Variants in ZNF287 observed in about 807,000 individuals in gnomAD.
ZNF287 encodes zinc finger protein 287, also known as zinc finger protein with KRAB and SCAN domains 13.
Under a neutral mutation model 73.7 loss-of-function variants are expected in ZNF287, and 31 were observed. That is an observed-to-expected ratio of 0.42 (90% CI 0.32 to 0.57). The LOEUF (loss-of-function observed/expected upper bound fraction) is 0.57. Ranked by LOEUF, ZNF287 falls within the 20% of genes least tolerant of loss-of-function variation. The pLI is 0.13. For synonymous variants in ZNF287, 301 were observed against 307.2 expected (o/e 0.98, Z 0.21); for missense variants, 641 against 909.3 (o/e 0.70, Z 3.79).
Position 16,560,572 on chromosome 17 carries a change from A to T in ZNF287, c.715+2574T>A, listed in dbSNP as rs1292835446. On this transcript the variant is annotated intron_variant, in intron 5 of 5. Transcript: ENST00000395825. Reference sequence around the variant, plus strand: ...ACTGTGTTGGCCAGGCTGGTCTTGAACTCCTGACTTCGTGATCCGCCCACC... The same window carrying T: ...ACTGTGTTGGCCAGGCTGGTCTTGATCTCCTGACTTCGTGATCCGCCCACC... Among the ~76,000 whole-genome samples, 4 of 147,154 alleles carry T rather than the reference A, an allele frequency of 2.7e-5. No homozygotes were observed. In the South Asian group the frequency reaches 6.5e-4, roughly 24 times the overall value.
At chr17:16,560,006 G>A (rs1431823228) in intron 5 of ZNF287, among the ~76,000 whole-genome samples, 1 of 151,924 alleles carries the variant, frequency 6.6e-6, no homozygotes, top group Non-Finnish European at 1.5e-5. Context: ...AGGCTGGAGT[G>A]CAGTGGCACA....
intron 5 of ZNF287, among the ~76,000 whole-genome samples, chr17:16,556,192 A>ACACACACACACACACAC: frequency 6.6e-6 from 1 of 151,990 alleles, no homozygotes; most frequent in African/African-American, 2.4e-5. Context: ...ACACACACAC[A>ACACACACACACACACAC]AAATCTAAGG....
chr17:16,551,922 G>A lies in ZNF287; in HGVS notation c.2220C>T (p.Thr740=). 1 of 1,613,970 alleles carries A rather than the reference G, an allele frequency of 6.2e-7. No homozygotes were observed. The highest frequency in any genetic ancestry group is 8.5e-7 in the Non-Finnish European group (1 of 1,179,912). Residue 740 remains threonine (T), a synonymous_variant, in exon 6 of 6, where the codon ACC becomes ACT. Transcript: ENST00000395825. ...KPYACRICGK[T]FTQSTNLIQH... is the part of the protein sequence containing the mutation. ...GAATAAGGTTTGTACTCTGGGTGAA[G>A]GTTTTACCACATATACGACATGCAT...
rs532541888 is a variant in ZNF287, at chr17:16,552,942, T to G, written c.1200A>C (p.Glu400Asp). The G allele has an allele frequency of 5.6e-6, 9 of 1,614,186 alleles. No individual in the cohort carries two copies. The African/African-American group carries it at 1.2e-4, about 22-fold the overall frequency. Residue 400 changes from glutamate to aspartate, a missense_variant, in exon 6 of 6, where the codon GAA becomes GAC. Physicochemically the swap from Glu to Asp is conservative, Grantham distance 45. Around this residue, in one of 2 missense-constraint regions of ZNF287, gnomAD observed 284 missense variants for 466.8 expected, o/e 0.61. Transcript: ENST00000395825. This position sits in a 1 kb window ranked among gnomAD's most constrained non-coding sequence, Gnocchi z 6.5. ...AGATATGCCTAAACTCTTTCCCACATTCTTCACATTCATACGATTTCTCTT... is the reference window on the plus strand; with the variant it reads ...AGATATGCCTAAACTCTTTCCCACAGTCTTCACATTCATACGATTTCTCTT... Reference protein sequence around the residue: ...HAKEKSYECEECGKEFRHISS... With the variant: ...HAKEKSYECEDCGKEFRHISS...
In ZNF287 at chr17:16,552,863, G is replaced by C. The variant is rs760961698; in HGVS notation, c.1279C>G (p.His427Asp). The change falls in exon 6 of 6, where the codon CAC becomes GAC. Residue 427 changes from histidine to aspartate, a missense_variant. Coordinates refer to ENST00000395825, the MANE Select transcript of ZNF287 (RefSeq NM_020653.4). This position sits in a 1 kb window ranked among gnomAD's most constrained non-coding sequence, Gnocchi z 6.5. ...MHTGEKPYEC[H>D]QCGKAFSQRA... ...TGGCTGAAGGCTTTACCACACTGGT[G>C]GCATTCATATGGTTTTTCTCCAGTG... is the stretch of plus-strand genomic sequence containing the variant. 2 of 1,614,030 alleles carry C rather than the reference G, an allele frequency of 1.2e-6. No homozygotes were observed. The highest frequency in any genetic ancestry group is 4.5e-5 in the East Asian group (2 of 44,898).
In ZNF287 at chr17:16,553,060, ATT is replaced by A; in HGVS notation, c.1080_1081del (p.Lys360AsnfsTer11). ...CTTGTAAGGCTTCTCTCCAGGAAGT[ATT>A]TTCCTATGTACAATACCATATGAGA... On this transcript the variant is annotated frameshift_variant, in exon 6 of 6. Transcript: ENST00000395825. LOFTEE classifies it high-confidence loss of function. 1 of 1,614,134 alleles carries A rather than the reference ATT, an allele frequency of 6.2e-7. No homozygotes were observed. Among genetic ancestry groups the A allele is most frequent in the Non-Finnish European group, 8.5e-7 (1 of 1,180,008 alleles).
intron 3 of ZNF287, 127 bp from the exon 4 acceptor site, chr17:16,563,952 G>T: frequency 1.8e-6 from 2 of 1,134,494 alleles, no homozygotes; most frequent in Non-Finnish European, 2.4e-6. Context: ...CCTAGAAGTT[G>T]TCTAGTCAAA....
In ZNF287 at chr17:16,551,409, G is replaced by C. The variant is rs896580570; in HGVS notation, c.*447C>G. The C allele has an allele frequency of 1.8e-5, 3 of 162,868 alleles. No individual in the cohort carries two copies. The highest frequency in any genetic ancestry group is 7.2e-5 in the African/African-American group (3 of 41,458). The allele number at this position is 162,868 out of a possible 1,614,324, so 10.1% of individuals were successfully genotyped here. ...GAATTTTTTTTTTCAACTGAACAGA[G>C]TTTGAAAGCACATTATTCAGGGATG... On this transcript the variant is annotated 3_prime_UTR_variant, in exon 6 of 6. Coordinates refer to ENST00000395825, the MANE Select transcript of ZNF287 (RefSeq NM_020653.4).
At position 16,547,019 on chromosome 17, in the gene ZNF287, T is replaced by C. The variant is rs545299556; in HGVS notation, c.*4837A>G. Reference sequence around the variant, plus strand: ...CTAAGGGGCTAATAATTATGAAAGATAGAGCCATGGGGAGAACAGAAACAG... The same window carrying C: ...CTAAGGGGCTAATAATTATGAAAGACAGAGCCATGGGGAGAACAGAAACAG... On this transcript the variant is annotated 3_prime_UTR_variant, in exon 6 of 6. Transcript: ENST00000395825. 1.8e-3 allele frequency among the ~76,000 whole-genome samples: 280 copies of C among 152,288 alleles called. No individual in the cohort carries two copies. The highest frequency in any genetic ancestry group is 3.4e-3 in the Middle Eastern group (1 of 294).
chr17:16,560,740 A>C (rs1907393544), intron 5 of ZNF287, among the ~76,000 whole-genome samples: 1 of 151,596 alleles, frequency 6.6e-6, no homozygotes, highest in Non-Finnish European at 1.5e-5. Context: ...GTGGTGGCTC[A>C]CACCTGTAAT....
chr17:16,567,281 T>A, intron 2 of ZNF287, 48 bp downstream of exon 2: 1 of 1,564,590 alleles, frequency 6.4e-7, no homozygotes, highest in Non-Finnish European at 8.7e-7. Context: ...CTAGTTGTCT[T>A]CTTTAACCAC....
chr17:16,561,070 C>T (rs1481689382), intron 5 of ZNF287, among the ~76,000 whole-genome samples: 1 of 151,866 alleles, frequency 6.6e-6, no homozygotes, highest in Non-Finnish European at 1.5e-5. Context: ...AATCTCAGCA[C>T]TTTGGGAGGC....
chr17:16,552,570 A>G lies in ZNF287; in HGVS notation c.1572T>C (p.Leu524=). The change falls in exon 6 of 6, where the codon CTT becomes CTC. Residue 524 remains leucine, a synonymous_variant. Coordinates refer to ENST00000395825, the MANE Select transcript of ZNF287 (RefSeq NM_020653.4). This position sits in a 1 kb window ranked among gnomAD's most constrained non-coding sequence, Gnocchi z 6.5. ...GKTFSQSTHL[L]QHQKIHTGKK... is the part of the protein sequence containing the mutation. The stretch of plus-strand genomic sequence containing the variant: ...TCCCAGTATGTATTTTTTGATGCTG[A>G]AGAAGGTGTGTACTCTGACTGAAAG... The G allele has an allele frequency of 6.2e-7, 1 of 1,614,064 alleles. No individual in the cohort carries two copies.
intron 4 of ZNF287, 62 bp from the exon 5 acceptor site, chr17:16,563,294 AC>A: frequency 1.6e-6 from 2 of 1,233,410 alleles, no homozygotes; most frequent in Non-Finnish European, 2.3e-6. Context: ...AAGTTTTATT[AC>A]CAGACTTCTA....
Position 16,553,229 on chromosome 17 carries a change from C to A in ZNF287, c.913G>T (p.Asp305Tyr), listed in dbSNP as rs753337161. ...TTACTAAGACATTCTTCTGTAGGAT[C>A]ATATTCTTGTGAAAGGACTGACTTC... ...SLKSVLSQEY[D>Y]PTEECLSKYD... Residue 305 changes from aspartate (D) to tyrosine (Y), a missense_variant, in exon 6 of 6, where the codon GAT becomes TAT. Asp to Tyr is a radical substitution (Grantham distance 160). Coordinates refer to ENST00000395825, the MANE Select transcript of ZNF287 (RefSeq NM_020653.4). 3.1e-6 allele frequency: 5 copies of A among 1,609,300 alleles called. No individual in the cohort carries two copies. The South Asian group carries it at 5.5e-5, about 18-fold the overall frequency.
intron 5 of ZNF287, among the ~76,000 whole-genome samples, 184 bp downstream of exon 5, chr17:16,562,962 T>G (rs1364562440): frequency 6.6e-6 from 1 of 152,106 alleles, no homozygotes; most frequent in East Asian, 1.9e-4. Flanking sequence ...GTGTTAACAG[T>G]GATGTTAGGA....
At chr17:16,568,036 G>T (rs1433898359) in intron 1 of ZNF287, 107 bp from the exon 2 acceptor site, 1 of 1,039,492 alleles carries the variant, frequency 9.6e-7, no homozygotes. Context: ...ACACACATAA[G>T]CTTTACCTTG....
At chr17:16,568,918 C>G (rs1372543343) in intron 1 of ZNF287, 34 bp downstream of exon 1, 3 of 152,302 alleles carry the variant, frequency 2.0e-5, no homozygotes, top group Non-Finnish European at 4.4e-5. Context: ...ACTGATCGCG[C>G]GGACACTCGC....
At chr17:16,555,189 AT>A (rs997745606) in intron 5 of ZNF287, among the ~76,000 whole-genome samples, 14 of 152,106 alleles carry the variant, frequency 9.2e-5, no homozygotes, top group South Asian at 2.1e-4. Flanking sequence ...ATGTATATAT[AT>A]TTTTTTCCTT....
Sources: allele counts gnomAD v4.1 joint callset (sites outside exome capture counted in the v4.1 genomes callset), GRCh38; gene constraint gnomAD v4.1.1; regional missense constraint gnomAD v4.1.1; non-coding constraint Gnocchi (gnomAD v3.1); transcripts MANE v1.5; gene names NCBI Gene and HGNC (gene_info 2026-07-23, HGNC 2026-07-21).